Variants in GHRL observed in about 807,000 individuals in gnomAD.
GHRL encodes the protein appetite-regulating hormone.
GHRL carries 24 observed loss-of-function variants against 16.9 expected under a neutral mutation model. That is an observed-to-expected ratio of 1.42 (90% CI 1.03 to 2.00). GHRL has a LOEUF of 2.00. GHRL is among the 30% of genes most tolerant of loss of function. The pLI, the probability that GHRL is intolerant of heterozygous loss-of-function variation, is 0.00. For synonymous variants in GHRL, 63 were observed against 58.2 expected, an observed-to-expected ratio of 1.08 and a Z score of -0.37; for missense variants, 193 against 142.1, an observed-to-expected ratio of 1.36 and a Z score of -1.82.
chr3:10,286,222 T>C (rs993254049), intron 5 of GHRL, among the ~76,000 whole-genome samples: 8 of 152,196 alleles, frequency 5.3e-5, no homozygotes, highest in African/African-American at 1.9e-4. Flanking sequence ...GGTTTCTTTT[T>C]TTTCTTTTAC....
chr3:10,290,182 G>C lies in GHRL; in HGVS notation c.-2C>G. The C allele has an allele frequency of 6.2e-7, 1 of 1,609,020 alleles. No homozygotes were observed. The highest frequency in any genetic ancestry group is 1.7e-5 in the Admixed American group (1 of 59,266). The stretch of plus-strand genomic sequence containing the variant: ...GCAGACGGTCCCTGGGGAGGGCATG[G>C]CCTCAGCTGGGTTGCAGACAGGTGG... On this transcript the variant is annotated 5_prime_UTR_variant, in exon 3 of 6. Coordinates refer to ENST00000335542, the MANE Select transcript of GHRL (RefSeq NM_016362.5).
In GHRL at chr3:10,290,995, T is replaced by A. The variant is rs568925721; in HGVS notation, c.-309A>T. The A allele has an allele frequency of 4.1e-6, 4 of 985,530 alleles. No individual in the cohort carries two copies. The East Asian group carries it at 4.5e-4, about 112-fold the overall frequency. 61.0% of individuals were successfully genotyped at this position (985,530 alleles called of 1,614,324 possible). A position where few individuals can be genotyped will look rare whatever the true frequency, so the allele number is the denominator to read the frequency against. ...GTGCCCCAAGTGGGCATGGCCCTGG[T>A]GGAGGAGGGAGGGAGGAGAGTGGCT... On this transcript the variant is annotated 5_prime_UTR_variant, in exon 2 of 6. Coordinates refer to ENST00000335542, the MANE Select transcript of GHRL (RefSeq NM_016362.5).
In GHRL at chr3:10,292,931, GTTATCT is replaced by G. The variant is rs1253106940; in HGVS notation, c.-861_-856del. 2.0e-6 allele frequency: 3 copies of G among 1,516,344 alleles called. No homozygotes were observed. The African/African-American group carries it at 4.2e-5, about 21-fold the overall frequency. 93.9% of individuals were successfully genotyped at this position (1,516,344 alleles called of 1,614,324 possible). On this transcript the variant is annotated 5_prime_UTR_variant, in exon 1 of 6. Coordinates refer to ENST00000335542, the MANE Select transcript of GHRL (RefSeq NM_016362.5). ...GTAAACATCCACTGTGCAAAGCTGT[GTTATCT>G]TTGGGGAACTGAAATGTCCCCTGGG...
At chr3:10,291,549 G>T in intron 1 of GHRL, 98 bp from the exon 2 acceptor site, 1 of 816,908 alleles carries the variant, frequency 1.2e-6, no homozygotes, top group Non-Finnish European at 1.5e-6. Context: ...CAGAGTCTTT[G>T]AGGGTGAAAT....
chr3:10,286,465 G>T (rs1397943829), intron 5 of GHRL, among the ~76,000 whole-genome samples: 1 of 152,204 alleles, frequency 6.6e-6, no homozygotes, highest in Non-Finnish European at 1.5e-5. Context: ...TTCAACTGAG[G>T]CCCCAAAGCT....
Position 10,290,849 on chromosome 3 carries a change from A to G in GHRL, c.-163T>C. On this transcript the variant is annotated 5_prime_UTR_variant, in exon 2 of 6. Transcript: ENST00000335542. ...TGGGGCTGATGTACATTCCTTGGGA[A>G]CTAAAAATGTTCTTGTCCTCTGGGT... is the stretch of plus-strand genomic sequence containing the variant. 1 of 986,032 alleles carries G rather than the reference A, an allele frequency of 1.0e-6. No individual in the cohort carries two copies. The highest frequency in any genetic ancestry group is 1.2e-6 in the Non-Finnish European group (1 of 830,338). 61.1% of individuals were successfully genotyped at this position (986,032 alleles called of 1,614,324 possible). A position where few individuals can be genotyped will look rare whatever the true frequency, so the allele number is the denominator to read the frequency against.
rs551236832 is a variant in GHRL, at chr3:10,285,788, A to G, written c.*87T>C. On this transcript the variant is annotated 3_prime_UTR_variant, in exon 6 of 6. Transcript: ENST00000335542. ...TTTATTCGCCTCCTGAGCTTGTACA[A>G]CAGTCGTGGGAGTTGCTGCAGAAGC... 2.1e-5 allele frequency: 21 copies of G among 1,005,902 alleles called. No homozygotes were observed. The Middle Eastern group carries it at 6.1e-4, about 29-fold the overall frequency. The allele number at this position is 1,005,902 out of a possible 1,614,324, so 62.3% of individuals were successfully genotyped here.
chr3:10,289,622 C>T, intron 4 of GHRL, 140 bp downstream of exon 4: 1 of 724,028 alleles, frequency 1.4e-6, no homozygotes, highest in Non-Finnish European at 2.5e-6. Context: ...GGGCAGAGCT[C>T]AACTCCTGTG....
Position 10,289,756 on chromosome 3 carries a change from A to G in GHRL, c.225+6T>C, listed in dbSNP as rs897947133. On this transcript the variant is annotated splice_donor_region_variant and intron_variant, in intron 4 of 5. Coordinates refer to ENST00000335542, the MANE Select transcript of GHRL (RefSeq NM_016362.5). ...CACAGAAGCATAAAACTGCAGAGGT[A>G]CCGACCCGGACTTCCAGTTCATCCT... is the stretch of plus-strand genomic sequence containing the variant. The G allele has an allele frequency of 4.5e-6, 7 of 1,551,588 alleles. No homozygotes were observed. Among genetic ancestry groups the G allele is most frequent in the Non-Finnish European group, 6.2e-6 (7 of 1,123,130 alleles).
Position 10,291,307 on chromosome 3 carries a change from GTGGCTA to G in GHRL, c.-627_-622del. On this transcript the variant is annotated 5_prime_UTR_variant, in exon 2 of 6. An upstream open reading frame in the 5' UTR loses its in-frame stop. Coordinates refer to ENST00000335542, the MANE Select transcript of GHRL (RefSeq NM_016362.5). ...GTGGGTGTGGGGATAACTTCAGCCAGTGGCTATGCTTCAGTCATTTCTGCCAGGTGT... is the reference window on the plus strand; with the variant it reads ...GTGGGTGTGGGGATAACTTCAGCCAGTGCTTCAGTCATTTCTGCCAGGTGT... 2 of 985,512 alleles carry G rather than the reference GTGGCTA, an allele frequency of 2.0e-6. No homozygotes were observed. The highest frequency in any genetic ancestry group is 9.4e-5 in the South Asian group (2 of 21,288). 61.0% of individuals were successfully genotyped at this position (985,512 alleles called of 1,614,324 possible). A position where few individuals can be genotyped will look rare whatever the true frequency, so the allele number is the denominator to read the frequency against.
At chr3:10,290,691 C>G in intron 2 of GHRL, 25 bp downstream of exon 2, 1 of 1,006,616 alleles carries the variant, frequency 9.9e-7, no homozygotes, top group Non-Finnish European at 1.2e-6. Context: ...TCAGCAAACG[C>G]ACACGGAGAG....
Position 10,292,880 on chromosome 3 carries a change from T to C in GHRL, c.-804A>G. The stretch of plus-strand genomic sequence containing the variant: ...GCCTCTCCGGGCACAGCTGCCAATG[T>C]TGATCTTAGATAAGACCACCAGCAA... On this transcript the variant is annotated 5_prime_UTR_variant, in exon 1 of 6. Coordinates refer to ENST00000335542, the MANE Select transcript of GHRL (RefSeq NM_016362.5). 4 of 1,549,582 alleles carry C rather than the reference T, an allele frequency of 2.6e-6. No homozygotes were observed. The highest frequency in any genetic ancestry group is 3.5e-6 in the Non-Finnish European group (4 of 1,145,724).
chr3:10,289,671 C>T, intron 4 of GHRL, 91 bp downstream of exon 4: 3 of 829,664 alleles, frequency 3.6e-6, no homozygotes, highest in Non-Finnish European at 4.3e-6. Context: ...GTAGTTGGGA[C>T]CCTGTTCACT....
At chr3:10,290,465 C>T (rs1456921850) in intron 2 of GHRL, 3 of 407,440 alleles carry the variant, frequency 7.4e-6, no homozygotes. Flanking sequence ...GCCTTTTGTC[C>T]CAGGCTCTGA....
At position 10,289,559 on chromosome 3, in the gene GHRL, GTTAC is replaced by G. The variant is rs559636776; in HGVS notation, c.225+199_225+202del. ...TCCGTCCCTATTCTGTTGTAGCAAA[GTTAC>G]TTCTTCTAGATATTTTTCTCTTAAT... On this transcript the variant is annotated intron_variant, in intron 4 of 5. Transcript: ENST00000335542. Among the ~76,000 whole-genome samples the G allele has an allele frequency of 1.0e-3, 156 of 152,240 alleles. 3 individuals carry two copies. Among genetic ancestry groups the G allele is most frequent in the African/African-American group, 3.6e-3 (151 of 41,544 alleles).
At chr3:10,290,396 C>T (rs778060399) in intron 2 of GHRL, 187 bp from the exon 3 acceptor site, 3 of 585,810 alleles carry the variant, frequency 5.1e-6, no homozygotes, top group East Asian at 6.0e-5. Flanking sequence ...TTCTCCAAGG[C>T]CGTTCAGGGC....
chr3:10,292,883 A>G lies in GHRL; in HGVS notation c.-807T>C, dbSNP rs1402731607. 4 of 1,549,000 alleles carry G rather than the reference A, an allele frequency of 2.6e-6. No homozygotes were observed. Among genetic ancestry groups the G allele is most frequent in the Non-Finnish European group, 3.5e-6 (4 of 1,145,494 alleles). On this transcript the variant is annotated 5_prime_UTR_variant, in exon 1 of 6. Coordinates refer to ENST00000335542, the MANE Select transcript of GHRL (RefSeq NM_016362.5). ...TCTCCGGGCACAGCTGCCAATGTTG[A>G]TCTTAGATAAGACCACCAGCAAGTA...
rs1428443827 is a variant in GHRL, at chr3:10,285,826, A to G, written c.*49T>C. On this transcript the variant is annotated 3_prime_UTR_variant, in exon 6 of 6. Transcript: ENST00000335542. ...TTGCTGCAGAAGCAAGCGAAAAGCC[A>G]GATGAGCGCTTCTAAACTTAGAGAG... 6.4e-7 allele frequency: 1 copy of G among 1,550,418 alleles called. No homozygotes were observed. Among genetic ancestry groups the G allele is most frequent in the Non-Finnish European group, 8.9e-7 (1 of 1,122,244 alleles).
intron 4 of GHRL, chr3:10,287,944 G>A (rs1444500532): frequency 8.1e-6 from 1 of 123,124 alleles, no homozygotes; most frequent in African/African-American, 3.5e-5. Context: ...TTTTTTTTAA[G>A]GAGAGTTGGG....
Sources: gnomAD v4.1 joint callset for allele counts (sites outside exome capture counted in the v4.1 genomes callset) on GRCh38, gnomAD v4.1.1 for gene constraint, MANE v1.5 for transcripts, NCBI Gene and HGNC (gene_info 2026-07-23, HGNC 2026-07-21) for gene names.